KIF26B: variants seen among roughly 807,000 people sequenced by gnomAD.
KIF26B encodes the protein kinesin-like protein KIF26B.
Under a neutral mutation model 151.2 loss-of-function variants are expected in KIF26B, and 63 were observed. That is an observed-to-expected ratio of 0.42 (90% CI 0.34 to 0.51). The LOEUF is 0.51. Among genes scored for constraint, KIF26B ranks in the 20% least tolerant of loss-of-function variants. KIF26B has a pLI of 0.07. For missense variants in KIF26B, 2,813 were observed against 2,913.6 expected, an observed-to-expected ratio of 0.97 and a Z score of 0.79; for synonymous variants, 1,357 against 1,262.1, an observed-to-expected ratio of 1.08 and a Z score of -1.59.
At chr1:245,406,792 AT>A (rs1674145018) in intron 3 of KIF26B, among the ~76,000 whole-genome samples, 1 of 151,776 alleles carries the variant, frequency 6.6e-6, no homozygotes, top group Admixed American at 6.6e-5. Flanking sequence ...TTTATTACTT[AT>A]TATTATTTTT....
intron 2 of KIF26B, among the ~76,000 whole-genome samples, chr1:245,194,270 A>C (rs1669156228): frequency 6.6e-6 from 1 of 152,226 alleles, no homozygotes; most frequent in South Asian, 2.1e-4. Context: ...TTCCGTTTAC[A>C]TAGAGTGCTT....
At chr1:245,158,279 T>C (rs1195280517) in intron 2 of KIF26B, among the ~76,000 whole-genome samples, 2 of 151,984 alleles carry the variant, frequency 1.3e-5, no homozygotes, top group Admixed American at 6.6e-5. Context: ...TACACTCTTC[T>C]CATTTAAAAA....
At chr1:245,191,693 C>T (rs909617039) in intron 2 of KIF26B, among the ~76,000 whole-genome samples, 1 of 152,100 alleles carries the variant, frequency 6.6e-6, no homozygotes, top group Non-Finnish European at 1.5e-5. Flanking sequence ...TAAAAAATTA[C>T]AACGAAGCAT....
chr1:245,276,180 A>G (rs574578707), intron 2 of KIF26B, among the ~76,000 whole-genome samples: 18 of 152,206 alleles, frequency 1.2e-4, no homozygotes, highest in Admixed American at 2.0e-4. Context: ...CGACTCTATT[A>G]AAAAATTAGC....
rs1674438815 is a variant in KIF26B, at chr1:245,417,105, G to GCAA, written c.1000-2474_1000-2473insCAA. On this transcript the variant is annotated intron_variant, in intron 3 of 14. Transcript: ENST00000407071. Reference sequence around the variant, plus strand: ...CCCCATCATGACACTGGCTGTGTCTGAAAAATGGAGCAGGAAAGGCAGCGT... The same window carrying GCAA: ...CCCCATCATGACACTGGCTGTGTCTGCAAAAAAATGGAGCAGGAAAGGCAGCGT... Among the ~76,000 whole-genome samples, 9 of 152,022 alleles carry GCAA rather than the reference G, an allele frequency of 5.9e-5. No homozygotes were observed. In the East Asian group the frequency reaches 7.7e-4, roughly 13 times the overall value.
chr1:245,425,547 C>A (rs572309074), intron 4 of KIF26B, among the ~76,000 whole-genome samples: 1 of 152,174 alleles, frequency 6.6e-6, no homozygotes, highest in Non-Finnish European at 1.5e-5. Context: ...GCTGGGACTA[C>A]AGGCGTCCAA....
intron 9 of KIF26B, among the ~76,000 whole-genome samples, chr1:245,623,551 AG>A (rs1338541892): frequency 6.6e-6 from 1 of 152,202 alleles, no homozygotes; most frequent in Non-Finnish European, 1.5e-5. Flanking sequence ...CTAAAGGTTG[AG>A]CATCCCTAAT....
chr1:245,456,836 T>A (rs1277898241), intron 4 of KIF26B, among the ~76,000 whole-genome samples: 1 of 152,222 alleles, frequency 6.6e-6, no homozygotes, highest in East Asian at 1.9e-4. Context: ...ACATAAATGC[T>A]TTTTCATTTT....
intron 4 of KIF26B, among the ~76,000 whole-genome samples, chr1:245,496,441 G>A (rs1660515582): frequency 6.6e-6 from 1 of 152,062 alleles, no homozygotes; most frequent in Non-Finnish European, 1.5e-5. Context: ...AGTGAAAGGG[G>A]GTAAAGGGAG....
At chr1:245,414,134 C>T (rs1254580341) in intron 3 of KIF26B, among the ~76,000 whole-genome samples, 2 of 152,228 alleles carry the variant, frequency 1.3e-5, no homozygotes, top group African/African-American at 4.8e-5. Flanking sequence ...GGGAGCTCAT[C>T]CCCACACCCA....
Position 245,361,050 on chromosome 1 carries a change from C to T in KIF26B, c.466-5784C>T, listed in dbSNP as rs534036019. On this transcript the variant is annotated intron_variant, in intron 2 of 14. Transcript: ENST00000407071. ...GGGTTGTGACGAGAAATGCCTCACC[C>T]ATTCTTTTGAGTCATTTATGAACTG... is the stretch of plus-strand genomic sequence containing the variant. Among the ~76,000 whole-genome samples, 4 of 152,284 alleles carry T rather than the reference C, an allele frequency of 2.6e-5. No homozygotes were observed. In the South Asian group the frequency reaches 6.2e-4, roughly 24 times the overall value.
At chr1:245,523,518 A>C (rs561497461) in intron 4 of KIF26B, among the ~76,000 whole-genome samples, 1 of 152,202 alleles carries the variant, frequency 6.6e-6, no homozygotes, top group South Asian at 2.1e-4. Flanking sequence ...TATTTTGTAC[A>C]GTTCTAGAGG....
At chr1:245,327,524 A>G (rs1010635595) in intron 2 of KIF26B, among the ~76,000 whole-genome samples, 2 of 152,174 alleles carry the variant, frequency 1.3e-5, no homozygotes, top group Admixed American at 6.5e-5. Context: ...CTGTCAGAGG[A>G]GGCAGCGGAA....
intron 2 of KIF26B, among the ~76,000 whole-genome samples, chr1:245,325,087 C>A (rs1358148403): frequency 7.7e-6 from 1 of 130,142 alleles, no homozygotes; most frequent in Non-Finnish European, 1.5e-5. Context: ...AAAGCCAGAC[C>A]TTGTCTCAAA....
At chr1:245,424,794 G>C (rs1374211932) in intron 4 of KIF26B, among the ~76,000 whole-genome samples, 1 of 152,162 alleles carries the variant, frequency 6.6e-6, no homozygotes, top group African/African-American at 2.4e-5. Flanking sequence ...CCTTCACCCG[G>C]ATAGTTTGAG....
At position 245,702,412 on chromosome 1, in the gene KIF26B, C is replaced by T. The variant is rs1461047630; in HGVS notation, c.6179-46C>T. On this transcript the variant is annotated intron_variant, in intron 14 of 14. Transcript: ENST00000407071. This position sits in a 1 kb window ranked among gnomAD's most constrained non-coding sequence, Gnocchi z 4.1. ...GGCTGAGCCGTCGGGAGTTGCTTCT[C>T]ACCCTGTTTGCTCTGCGTCTCCATC... 1 of 1,609,170 alleles carries T rather than the reference C, an allele frequency of 6.2e-7. No individual in the cohort carries two copies. The highest frequency in any genetic ancestry group is 1.1e-5 in the South Asian group (1 of 90,618).
At position 245,646,104 on chromosome 1, in the gene KIF26B, C is replaced by A. The variant is rs373740429; in HGVS notation, c.2099-17C>A. On this transcript the variant is annotated splice_polypyrimidine_tract_variant and intron_variant, in intron 9 of 14. Coordinates refer to ENST00000407071, the MANE Select transcript of KIF26B (RefSeq NM_018012.4). ...CAGAACTTAACCATTTCTCTTTTAT[C>A]TTCTCCCCTGTGGTAGTGTCTGGAG... 1.2e-6 allele frequency: 2 copies of A among 1,611,528 alleles called. No homozygotes were observed. Among genetic ancestry groups the A allele is most frequent in the African/African-American group, 1.3e-5 (1 of 74,830 alleles).
At chr1:245,204,354 C>T (rs933717530) in intron 2 of KIF26B, among the ~76,000 whole-genome samples, 4 of 151,070 alleles carry the variant, frequency 2.6e-5, no homozygotes, top group African/African-American at 7.3e-5. Flanking sequence ...TAATGAAATG[C>T]GTCTTCTCTG....
chr1:245,679,495 G>A (rs527594612), intron 10 of KIF26B, among the ~76,000 whole-genome samples: 14 of 109,596 alleles, frequency 1.3e-4, no homozygotes, highest in African/African-American at 5.0e-4. Context: ...TTGACACAAG[G>A]TCTTGCTCTG....
Sources: gnomAD v4.1 joint callset for allele counts (sites outside exome capture counted in the v4.1 genomes callset) on GRCh38, gnomAD v4.1.1 for gene constraint, Gnocchi (gnomAD v3.1) non-coding constraint, MANE v1.5 for transcripts, NCBI Gene and HGNC (gene_info 2026-07-23, HGNC 2026-07-21) for gene names.